L3MBTL4: variants seen among roughly 807,000 people sequenced by gnomAD.
L3MBTL4 encodes L3MBTL histone methyl-lysine binding protein 4.
A neutral mutation model predicts 84.5 loss-of-function variants in L3MBTL4; 70 were observed. That is an observed-to-expected ratio of 0.83 (90% CI 0.68 to 1.01). The LOEUF (loss-of-function observed/expected upper bound fraction) is 1.01, where lower values mean the gene tolerates loss of function less well. Among genes scored for constraint, L3MBTL4 ranks in the 50% least tolerant of loss-of-function variants. L3MBTL4 has a pLI of 0.00. For synonymous variants in L3MBTL4, 274 were observed against 259.8 expected (o/e 1.05, Z -0.52); for missense variants, 715 against 754.8 (o/e 0.95, Z 0.62).
At chr18:6,406,715 G>A (rs1410208944) in intron 1 of L3MBTL4, among the ~76,000 whole-genome samples, 3 of 152,228 alleles carry the variant, frequency 2.0e-5, no homozygotes, top group East Asian at 1.9e-4. Context: ...GGCAGCATGC[G>A]AAACAACAAA....
At chr18:6,216,428 A>T (rs112538169) in intron 10 of L3MBTL4, among the ~76,000 whole-genome samples, 9 of 151,994 alleles carry the variant, frequency 5.9e-5, no homozygotes, top group African/African-American at 1.9e-4. Context: ...TTTGCTAGAG[A>T]TCTATATAGT....
chr18:5,973,016 T>G (rs1332585344), intron 16 of L3MBTL4, among the ~76,000 whole-genome samples: 1 of 152,170 alleles, frequency 6.6e-6, no homozygotes, highest in African/African-American at 2.4e-5. Context: ...GAGTTGTGAT[T>G]TGGACAGCTC....
chr18:6,237,903 AAAATGAG>A, intron 10 of L3MBTL4, 54 bp downstream of exon 10: 3 of 1,274,652 alleles, frequency 2.4e-6, no homozygotes, highest in Non-Finnish European at 3.4e-6. Context: ...AAACAAAATA[AAAATGAG>A]GACTGCCACT....
At chr18:6,119,522 G>C (rs2059461887) in intron 14 of L3MBTL4, among the ~76,000 whole-genome samples, 1 of 152,136 alleles carries the variant, frequency 6.6e-6, no homozygotes. Flanking sequence ...AAAGAGGCAG[G>C]GTGTTAGGCT....
intron 16 of L3MBTL4, among the ~76,000 whole-genome samples, chr18:6,023,735 G>A (rs1186759790): frequency 2.6e-5 from 4 of 152,184 alleles, no homozygotes; most frequent in East Asian, 1.9e-4. Flanking sequence ...GTGTGGGGCT[G>A]TACCTTTCAC....
At chr18:6,254,881 C>T (rs904527539) in intron 5 of L3MBTL4, among the ~76,000 whole-genome samples, 4 of 152,102 alleles carry the variant, frequency 2.6e-5, no homozygotes, top group East Asian at 1.9e-4. Flanking sequence ...AAACAAAGCA[C>T]GTACCGGAGC....
chr18:6,030,601 C>G (rs771471929), intron 16 of L3MBTL4: 2 of 770,660 alleles, frequency 2.6e-6, no homozygotes, highest in African/African-American at 1.9e-5. Flanking sequence ...CAGGTTCAAG[C>G]GATTCTCTCG....
intron 1 of L3MBTL4, among the ~76,000 whole-genome samples, chr18:6,355,093 T>C (rs1438676209): frequency 6.6e-6 from 1 of 152,228 alleles, no homozygotes; most frequent in Non-Finnish European, 1.5e-5. Flanking sequence ...AGTGGAGTAC[T>C]ATTCAGCCAT....
chr18:5,974,847 T>C lies in L3MBTL4; in HGVS notation c.1445-5285A>G, dbSNP rs150846567. ...GGCATGGTGACATGCACCTGTAGTC[T>C]TGGCTACTTGGGAGGCTGAGGCAGG... On this transcript the variant is annotated intron_variant, in intron 16 of 18. Coordinates refer to ENST00000317931, the MANE Select transcript of L3MBTL4 (RefSeq NM_001330559.2). Among the ~76,000 whole-genome samples, 653 of 152,072 alleles carry C rather than the reference T, an allele frequency of 4.3e-3. 7 individuals are homozygous for C. The highest frequency in any genetic ancestry group is 0.014 in the African/African-American group (571 of 41,500).
intron 16 of L3MBTL4, among the ~76,000 whole-genome samples, chr18:6,061,491 T>A (rs1771335352): frequency 6.6e-6 from 1 of 152,110 alleles, no homozygotes; most frequent in East Asian, 1.9e-4. Flanking sequence ...TTAGTTTTAA[T>A]AAAGTCCAAC....
At chr18:6,022,594 T>A (rs2055321017) in intron 16 of L3MBTL4, among the ~76,000 whole-genome samples, 1 of 152,228 alleles carries the variant, frequency 6.6e-6, no homozygotes, top group African/African-American at 2.4e-5. Flanking sequence ...CATCCACCTG[T>A]GTGCCAAGCA....
intron 10 of L3MBTL4, among the ~76,000 whole-genome samples, chr18:6,231,304 A>G (rs2046991037): frequency 6.6e-6 from 1 of 152,208 alleles, no homozygotes; most frequent in African/African-American, 2.4e-5. Context: ...ATGGCTAGCC[A>G]TCTATCACTG....
At chr18:6,172,038 T>C in intron 12 of L3MBTL4, 96 bp from the exon 13 acceptor site, 3 of 583,742 alleles carry the variant, frequency 5.1e-6, no homozygotes, top group Non-Finnish European at 9.1e-6. Flanking sequence ...AAGCTGAGAT[T>C]GAAATTTTAT....
chr18:6,207,788 C>T (rs2045934004), intron 12 of L3MBTL4, among the ~76,000 whole-genome samples: 2 of 151,938 alleles, frequency 1.3e-5, no homozygotes, highest in Admixed American at 1.3e-4. Context: ...TTGCTCTATC[C>T]TCGTATTTCA....
intron 1 of L3MBTL4, among the ~76,000 whole-genome samples, chr18:6,381,961 G>A (rs938632876): frequency 3.3e-5 from 5 of 152,132 alleles, no homozygotes; most frequent in African/African-American, 1.2e-4. Flanking sequence ...ATCACTTTCA[G>A]GTACAACAAT....
intron 1 of L3MBTL4, among the ~76,000 whole-genome samples, chr18:6,328,180 G>C (rs1407150694): frequency 6.6e-6 from 1 of 152,158 alleles, no homozygotes; most frequent in Non-Finnish European, 1.5e-5. Flanking sequence ...AAAGTATATT[G>C]CTGCTGCCCC....
intron 16 of L3MBTL4, among the ~76,000 whole-genome samples, chr18:6,015,261 G>T (rs2054913605): frequency 6.6e-6 from 1 of 152,008 alleles, no homozygotes; most frequent in Non-Finnish European, 1.5e-5. Flanking sequence ...AGGAAAGGGT[G>T]CCTAGTAATC....
chr18:6,064,819 T>C (rs1186511699), intron 16 of L3MBTL4, among the ~76,000 whole-genome samples: 2 of 152,068 alleles, frequency 1.3e-5, no homozygotes, highest in East Asian at 3.8e-4. Flanking sequence ...AGTTATTCTT[T>C]TCCACTTCAG....
intron 15 of L3MBTL4, among the ~76,000 whole-genome samples, chr18:6,085,769 C>A (rs1403086969): frequency 6.6e-6 from 1 of 152,166 alleles, no homozygotes; most frequent in East Asian, 1.9e-4. Context: ...CAGTCTCAGG[C>A]AGTTTTTTAT....
Sources: gnomAD v4.1 joint callset for allele counts (sites outside exome capture counted in the v4.1 genomes callset) on GRCh38, gnomAD v4.1.1 for gene constraint, MANE v1.5 for transcripts, NCBI Gene and HGNC (gene_info 2026-07-23, HGNC 2026-07-21) for gene names.